The following LRP1B variants were observed in gnomAD, a reference collection of about 807,000 sequenced individuals.
The protein encoded by LRP1B is LDL receptor related protein 1B, also known as low-density lipoprotein receptor-related protein 1B.
LRP1B carries 217 observed loss-of-function variants against 556.6 expected under a neutral mutation model. The ratio of observed to expected loss-of-function variants is 0.39; its 90% CI spans 0.35 to 0.44. LRP1B has a LOEUF of 0.44. Among genes scored for constraint, LRP1B ranks in the 20% least tolerant of loss-of-function variants. The pLI is 1.00. For synonymous variants in LRP1B, 2,047 were observed against 1,865.8 expected (o/e 1.10, Z -2.50); for missense variants, 5,053 against 5,620.8 (o/e 0.90, Z 3.23).
Position 142,115,750 on chromosome 2 carries a change from T to A in LRP1B, c.82+14898A>T, listed in dbSNP as rs1012334536. Among the ~76,000 whole-genome samples the A allele has an allele frequency of 6.7e-4, 16 of 23,880 alleles. 4 individuals are homozygous for A. The highest frequency in any genetic ancestry group is 2.0e-3 in the African/African-American group (10 of 4,900). The allele number at this position is 23,880 out of a possible 152,430, so 15.7% of individuals were successfully genotyped here. On this transcript the variant is annotated intron_variant, in intron 1 of 90. Transcript: ENST00000389484. ...TATAATATATATGTAATATATATAT[T>A]ATATATATGTAATATATATCATATA...
intron 43 of LRP1B, among the ~76,000 whole-genome samples, chr2:140,581,376 A>G (rs1222189180): frequency 6.6e-6 from 1 of 152,196 alleles, no homozygotes; most frequent in African/African-American, 2.4e-5. Flanking sequence ...ACACCTCTTC[A>G]GATACGCTTT....
chr2:140,803,639 C>A (rs1690604041), intron 32 of LRP1B, among the ~76,000 whole-genome samples: 1 of 151,842 alleles, frequency 6.6e-6, no homozygotes, highest in Non-Finnish European at 1.5e-5. Context: ...AAACCTCTCA[C>A]AGTAACCCCC....
chr2:140,906,953 G>T (rs1295629482), intron 22 of LRP1B, among the ~76,000 whole-genome samples: 4 of 139,230 alleles, frequency 2.9e-5, no homozygotes, highest in South Asian at 2.3e-4. Flanking sequence ...CTTAAAAAAA[G>T]ACATTTTACC....
At chr2:140,693,422 A>T (rs1686315686) in intron 41 of LRP1B, among the ~76,000 whole-genome samples, 1 of 151,932 alleles carries the variant, frequency 6.6e-6, no homozygotes, top group Non-Finnish European at 1.5e-5. Flanking sequence ...GACTCAAGAG[A>T]TCCTCCCACC....
At chr2:141,243,954 G>A (rs538415095) in intron 5 of LRP1B, among the ~76,000 whole-genome samples, 6 of 152,130 alleles carry the variant, frequency 3.9e-5, no homozygotes, top group South Asian at 2.1e-4. Context: ...AATTTTACTC[G>A]GGTTCAGGTA....
chr2:142,082,317 TA>T (rs368174255), intron 1 of LRP1B, among the ~76,000 whole-genome samples: 2 of 152,158 alleles, frequency 1.3e-5, no homozygotes, highest in South Asian at 2.1e-4. Context: ...GAATCAAACT[TA>T]AAAAAAATTA....
chr2:140,696,675 G>T (rs1686440172), intron 41 of LRP1B, among the ~76,000 whole-genome samples: 1 of 152,154 alleles, frequency 6.6e-6, no homozygotes, highest in South Asian at 2.1e-4. Flanking sequence ...CCTGCTGTCA[G>T]ATCAGCAATG....
intron 41 of LRP1B, among the ~76,000 whole-genome samples, chr2:140,622,666 T>C (rs1355963466): frequency 6.6e-6 from 1 of 152,122 alleles, no homozygotes; most frequent in Admixed American, 6.5e-5. Flanking sequence ...TAGTTGGCCA[T>C]AAGGCAGGAA....
intron 29 of LRP1B, among the ~76,000 whole-genome samples, chr2:140,848,323 C>T (rs1458548443): frequency 6.6e-6 from 1 of 152,168 alleles, no homozygotes; most frequent in African/African-American, 2.4e-5. Flanking sequence ...TTTGCATTTG[C>T]TTTTTTATAA....
At chr2:140,595,980 A>G (rs1682425084) in intron 43 of LRP1B, among the ~76,000 whole-genome samples, 1 of 152,204 alleles carries the variant, frequency 6.6e-6, no homozygotes, top group South Asian at 2.1e-4. Flanking sequence ...TCTGAAATGA[A>G]TAATAAGCAT....
chr2:140,538,184 T>G (rs1392657924), intron 45 of LRP1B, among the ~76,000 whole-genome samples: 1 of 152,144 alleles, frequency 6.6e-6, no homozygotes, highest in African/African-American at 2.4e-5. Flanking sequence ...TTTAATTAAT[T>G]TAGTAGAGGG....
intron 77 of LRP1B, among the ~76,000 whole-genome samples, chr2:140,341,973 T>C (rs532843170): frequency 6.8e-4 from 103 of 151,470 alleles, no homozygotes; most frequent in African/African-American, 2.4e-3. Flanking sequence ...TCGAGGTTTT[T>C]CTAAGACAAA....
intron 7 of LRP1B, among the ~76,000 whole-genome samples, chr2:141,099,570 C>T (rs1017849874): frequency 6.6e-6 from 1 of 152,194 alleles, no homozygotes; most frequent in African/African-American, 2.4e-5. Flanking sequence ...TGGACATGCA[C>T]ATCTCTGCAC....
intron 20 of LRP1B, among the ~76,000 whole-genome samples, chr2:140,928,591 T>C (rs565386215): frequency 2.0e-5 from 3 of 152,264 alleles, no homozygotes; most frequent in African/African-American, 4.8e-5. Context: ...TCATATAGCA[T>C]AGGGCCCCAT....
At chr2:140,237,903 T>C (rs1265410293) in intron 89 of LRP1B, among the ~76,000 whole-genome samples, 3 of 150,862 alleles carry the variant, frequency 2.0e-5, no homozygotes, top group Admixed American at 1.3e-4. Flanking sequence ...AAAAAACATA[T>C]AAAAACATGT....
At chr2:140,970,763 G>T (rs1197989910) in intron 18 of LRP1B, among the ~76,000 whole-genome samples, 3 of 99,874 alleles carry the variant, frequency 3.0e-5, no homozygotes, top group African/African-American at 1.3e-4. Context: ...TTTTTTGAGA[G>T]AGGGTCTTGC....
At chr2:140,355,133 G>C (rs1216324555) in intron 75 of LRP1B, among the ~76,000 whole-genome samples, 1 of 151,718 alleles carries the variant, frequency 6.6e-6, no homozygotes, top group Admixed American at 6.6e-5. Flanking sequence ...TAGTGTGCAG[G>C]TTATATTTGC....
chr2:141,470,095 T>C (rs532443302), intron 3 of LRP1B, among the ~76,000 whole-genome samples: 9 of 152,344 alleles, frequency 5.9e-5, no homozygotes, highest in Admixed American at 5.9e-4. Flanking sequence ...CATGGGATCT[T>C]GGAATGTATC....
chr2:141,690,573 A>T (rs1333680094), intron 2 of LRP1B, among the ~76,000 whole-genome samples: 2 of 150,394 alleles, frequency 1.3e-5, no homozygotes, highest in East Asian at 3.9e-4. Context: ...TAAACTAAGA[A>T]ATATAATGTT....
Sources: allele counts gnomAD v4.1 joint callset (sites outside exome capture counted in the v4.1 genomes callset), GRCh38; gene constraint gnomAD v4.1.1; transcripts MANE v1.5; gene names NCBI Gene and HGNC (gene_info 2026-07-23, HGNC 2026-07-21).